The following ANKRD30B variants were observed in gnomAD, a reference collection of about 807,000 sequenced individuals.
ANKRD30B encodes the protein ankyrin repeat domain-containing protein 30B.
Under a neutral mutation model 202.2 loss-of-function variants are expected in ANKRD30B, and 144 were observed. The ratio of observed to expected loss-of-function variants is 0.71; its 90% CI spans 0.62 to 0.82. The LOEUF is 0.82. Among genes scored for constraint, ANKRD30B ranks in the 40% least tolerant of loss-of-function variants. ANKRD30B has a pLI of 0.00. For synonymous variants in ANKRD30B, 508 were observed against 561.3 expected (o/e 0.91, Z 1.34); for missense variants, 1,487 against 1,669.1 (o/e 0.89, Z 1.90).
rs1967483459 is a variant in ANKRD30B, at chr18:14,777,979, T to C, written c.1330-6T>C. ...ACAAATTATTTATTGGTATTACCTT[T>C]AACAGATTATCTCTAAGAGTGCTGC... is the stretch of plus-strand genomic sequence containing the variant. On this transcript the variant is annotated splice_region_variant and splice_polypyrimidine_tract_variant and intron_variant, in intron 9 of 43. Coordinates refer to ENST00000690538, the MANE Select transcript of ANKRD30B (RefSeq NM_001367607.2). 6.5e-7 allele frequency: 1 copy of C among 1,533,662 alleles called. No individual in the cohort carries two copies. The highest frequency in any genetic ancestry group is 1.2e-5 in the South Asian group (1 of 82,826).
At chr18:14,756,461 A>G (rs1721981738) in intron 4 of ANKRD30B, among the ~76,000 whole-genome samples, 1 of 152,140 alleles carries the variant, frequency 6.6e-6, no homozygotes, top group Non-Finnish European at 1.5e-5. Flanking sequence ...TTGGTGTTTT[A>G]GATGTGAAGT....
intron 15 of ANKRD30B, 64 bp from the exon 16 acceptor site, chr18:14,791,337 T>C (rs1968490746): frequency 4.3e-6 from 6 of 1,383,484 alleles, no homozygotes; most frequent in Middle Eastern, 1.8e-4. Flanking sequence ...AGTTAGAAAA[T>C]TTTGATACTC....
intron 14 of ANKRD30B, among the ~76,000 whole-genome samples, chr18:14,786,161 T>C (rs1319034084): frequency 1.3e-5 from 2 of 152,174 alleles, no homozygotes. Context: ...TTTGCTTTTT[T>C]CTTTAACCTG....
chr18:14,822,808 A>C, intron 32 of ANKRD30B, 131 bp downstream of exon 32: 2 of 1,230,394 alleles, frequency 1.6e-6, no homozygotes, highest in Non-Finnish European at 2.2e-6. Context: ...AAATAATGCC[A>C]ATGTTAGTAT....
At position 14,810,017 on chromosome 18, in the gene ANKRD30B, A is replaced by T. The variant is rs540978693; in HGVS notation, c.2415+3A>T. ...CTGATAAAGATGGTCTTCTGAAGGT[A>T]ATAACTTTTATATTTTTATCTTGAA... On this transcript the variant is annotated splice_donor_region_variant and intron_variant, in intron 27 of 43. Transcript: ENST00000690538. The T allele has an allele frequency of 1.4e-6, 2 of 1,427,352 alleles. No homozygotes were observed. Among genetic ancestry groups the T allele is most frequent in the Non-Finnish European group, 2.0e-6 (2 of 1,021,124 alleles). 88.4% of individuals were successfully genotyped at this position (1,427,352 alleles called of 1,614,324 possible).
chr18:14,931,105 C>T, the ANKRD30B span, among the ~76,000 whole-genome samples: 39 of 152,290 alleles, frequency 2.6e-4, no homozygotes, highest in Non-Finnish European at 5.3e-4. Context: ...CACCCAGAGC[C>T]CTGAAGCTCT....
chr18:14,808,387 A>C (rs45582932), intron 24 of ANKRD30B, 164 bp from the exon 25 acceptor site: 1 of 731,402 alleles, frequency 1.4e-6, no homozygotes, highest in Non-Finnish European at 2.4e-6. Flanking sequence ...TTTCTGTCCC[A>C]TTGGCATGTT....
the ANKRD30B span, among the ~76,000 whole-genome samples, chr18:14,894,152 A>G: frequency 2.0e-5 from 3 of 152,216 alleles, no homozygotes; most frequent in South Asian, 2.1e-4. Context: ...GTCTGGTTCA[A>G]TAATTCATGA....
chr18:14,865,514 A>C, the ANKRD30B span, among the ~76,000 whole-genome samples: 3 of 133,676 alleles, frequency 2.2e-5, no homozygotes, highest in Admixed American at 7.7e-5. Flanking sequence ...ACCCTCTCTT[A>C]CCCCCTTCCA....
At chr18:14,940,237 G>C in the ANKRD30B span, among the ~76,000 whole-genome samples, 7 of 152,188 alleles carry the variant, frequency 4.6e-5, no homozygotes, top group African/African-American at 1.7e-4. Flanking sequence ...CTGTAGAGCT[G>C]CACCATGGCT....
the ANKRD30B span, among the ~76,000 whole-genome samples, chr18:14,870,113 G>A: frequency 6.6e-6 from 1 of 152,206 alleles, no homozygotes; most frequent in African/African-American, 2.4e-5. Flanking sequence ...TGGGATTACA[G>A]GAGTGAGCCA....
chr18:14,797,588 C>CCAA, intron 18 of ANKRD30B, 73 bp from the exon 19 acceptor site: 1 of 1,459,148 alleles, frequency 6.9e-7, no homozygotes, highest in East Asian at 2.3e-5. Flanking sequence ...TCTTCATATT[C>CCAA]ACACTGTATG....
At chr18:14,815,634 GT>G in intron 30 of ANKRD30B, among the ~76,000 whole-genome samples, 1 of 152,266 alleles carries the variant, frequency 6.6e-6, no homozygotes, top group Non-Finnish European at 1.5e-5. Flanking sequence ...TTTTGAGTAT[GT>G]TTTTAGCCAG....
intron 34 of ANKRD30B, among the ~76,000 whole-genome samples, chr18:14,833,279 G>A (rs2143109771): frequency 6.6e-6 from 1 of 151,620 alleles, no homozygotes; most frequent in Non-Finnish European, 1.5e-5. Context: ...ACGGAGTCTC[G>A]CTCTGTCGCC....
the ANKRD30B span, among the ~76,000 whole-genome samples, chr18:14,860,916 G>T: frequency 9.9e-4 from 151 of 152,214 alleles, no homozygotes; most frequent in African/African-American, 3.5e-3. Flanking sequence ...GGCCAGGCTG[G>T]TCTTGAACTG....
chr18:14,921,410 T>A, the ANKRD30B span, among the ~76,000 whole-genome samples: 1 of 151,310 alleles, frequency 6.6e-6, no homozygotes, highest in East Asian at 1.9e-4. Flanking sequence ...GAGGCGCGTG[T>A]TTAGATATAA....
intron 33 of ANKRD30B, among the ~76,000 whole-genome samples, chr18:14,830,631 T>C (rs1464402771): frequency 6.6e-6 from 1 of 152,106 alleles, no homozygotes; most frequent in Non-Finnish European, 1.5e-5. Context: ...AGATAGACAA[T>C]GGATAAGGGA....
downstream of ANKRD30B, among the ~76,000 whole-genome samples, chr18:14,859,006 G>A (rs1399177606): frequency 1.7e-4 from 15 of 89,718 alleles, no homozygotes; most frequent in South Asian, 3.8e-3. Flanking sequence ...GGGCAAAGGC[G>A]CTCCTCACCT....
intron 9 of ANKRD30B, among the ~76,000 whole-genome samples, chr18:14,776,792 CATAAAT>C (rs1967384224): frequency 6.6e-6 from 1 of 152,278 alleles, no homozygotes; most frequent in South Asian, 2.1e-4. Context: ...TTAAAAATAA[CATAAAT>C]ATAAGTTTTC....
Sources: gnomAD v4.1 joint callset for allele counts (sites outside exome capture counted in the v4.1 genomes callset) on GRCh38, gnomAD v4.1.1 for gene constraint, MANE v1.5 for transcripts, NCBI Gene and HGNC (gene_info 2026-07-23, HGNC 2026-07-21) for gene names.